Variants in ATG7 observed in about 807,000 individuals in gnomAD.
ATG7 encodes ubiquitin-like modifier-activating enzyme ATG7.
A neutral mutation model predicts 82.4 loss-of-function variants in ATG7; 70 were observed. That is an observed-to-expected ratio of 0.85 (90% CI 0.70 to 1.04). ATG7 has a LOEUF of 1.04. Among genes scored for constraint, ATG7 ranks in the 50% least tolerant of loss-of-function variants. The probability of loss-of-function intolerance (pLI) is 0.00; values close to 1 mark genes in which losing one functional copy is unlikely to be tolerated. For synonymous variants in ATG7, 287 were observed against 313.0 expected, an observed-to-expected ratio of 0.92 and a Z score of 0.88; for missense variants, 792 against 864.3, an observed-to-expected ratio of 0.92 and a Z score of 1.05.
chr3:11,357,803 A>T (rs1307852688), intron 14 of ATG7, among the ~76,000 whole-genome samples: 1 of 151,956 alleles, frequency 6.6e-6, no homozygotes, highest in Non-Finnish European at 1.5e-5. Flanking sequence ...TGAGCCAAGG[A>T]GTTCGAGAGC....
At chr3:11,424,098 G>A (rs2082164621) in intron 19 of ATG7, among the ~76,000 whole-genome samples, 1 of 151,884 alleles carries the variant, frequency 6.6e-6, no homozygotes, top group Non-Finnish European at 1.5e-5. Flanking sequence ...CCTGCCTCCC[G>A]TCGCCTGGTC....
intron 19 of ATG7, among the ~76,000 whole-genome samples, chr3:11,394,423 G>C (rs1283190483): frequency 6.6e-6 from 1 of 152,200 alleles, no homozygotes; most frequent in Non-Finnish European, 1.5e-5. Flanking sequence ...GAGATTCTGA[G>C]TTGAGCTTTG....
intron 20 of ATG7, among the ~76,000 whole-genome samples, chr3:11,473,708 C>G (rs890477720): frequency 6.6e-6 from 1 of 152,192 alleles, no homozygotes; most frequent in Non-Finnish European, 1.5e-5. Flanking sequence ...TGTTGAAATT[C>G]AGAAAACAGT....
At chr3:11,569,528 C>A in the ATG7 span, among the ~76,000 whole-genome samples, 1 of 152,222 alleles carries the variant, frequency 6.6e-6, no homozygotes, top group African/African-American at 2.4e-5. Context: ...CAGAGACATC[C>A]CCCAAGCACC....
chr3:11,423,142 A>G (rs181295759), intron 19 of ATG7, among the ~76,000 whole-genome samples: 1 of 152,308 alleles, frequency 6.6e-6, no homozygotes, highest in Admixed American at 6.5e-5. Flanking sequence ...ATTGGCCTAC[A>G]TTCAGTATTG....
chr3:11,525,756 G>A (rs1209010128), intron 20 of ATG7, among the ~76,000 whole-genome samples: 2 of 151,668 alleles, frequency 1.3e-5, no homozygotes, highest in African/African-American at 2.4e-5. Context: ...GGGTTTCACC[G>A]TGTTAGCCAG....
chr3:11,562,073 C>T (rs932672106), downstream of ATG7, among the ~76,000 whole-genome samples: 3 of 151,842 alleles, frequency 2.0e-5, no homozygotes, highest in African/African-American at 7.3e-5. Flanking sequence ...AATTTTTGTA[C>T]TTTTAGTAAA....
At chr3:11,428,375 T>G (rs1050602785) in intron 20 of ATG7, among the ~76,000 whole-genome samples, 15 of 128,504 alleles carry the variant, frequency 1.2e-4, no homozygotes, top group African/African-American at 4.4e-4. Flanking sequence ...TCAGACCCAT[T>G]GGAGGTTTGA....
chr3:11,559,114 T>C (rs1327178096), downstream of ATG7, among the ~76,000 whole-genome samples: 1 of 152,252 alleles, frequency 6.6e-6, no homozygotes. Flanking sequence ...AACTAGGGCA[T>C]GAGACCCTGG....
chr3:11,532,055 C>T (rs2092703872), intron 20 of ATG7, among the ~76,000 whole-genome samples: 1 of 152,020 alleles, frequency 6.6e-6, no homozygotes, highest in Non-Finnish European at 1.5e-5. Context: ...ATTCCTCCTC[C>T]TCCTCTTCCT....
chr3:11,393,978 G>A (rs1430050872), intron 19 of ATG7, among the ~76,000 whole-genome samples: 3 of 152,180 alleles, frequency 2.0e-5, no homozygotes, highest in African/African-American at 7.2e-5. Flanking sequence ...ACCATGCCCG[G>A]CCAGCTTTGT....
chr3:11,520,514 C>A (rs1023580457), intron 20 of ATG7, among the ~76,000 whole-genome samples: 2 of 152,150 alleles, frequency 1.3e-5, no homozygotes, highest in Non-Finnish European at 2.9e-5. Flanking sequence ...AGGCACCATA[C>A]CGGATGGGCT....
At chr3:11,366,428 T>G (rs1264359914) in intron 18 of ATG7, among the ~76,000 whole-genome samples, 2 of 152,204 alleles carry the variant, frequency 1.3e-5, no homozygotes, top group East Asian at 1.9e-4. Flanking sequence ...TGTTAATCTT[T>G]TCTACAGAGA....
At chr3:11,492,318 G>T (rs1463995326) in intron 20 of ATG7, among the ~76,000 whole-genome samples, 1 of 152,260 alleles carries the variant, frequency 6.6e-6, no homozygotes, top group South Asian at 2.1e-4. Flanking sequence ...GCCCTGCTTC[G>T]GCTCGCACAC....
At position 11,309,191 on chromosome 3, in the gene ATG7, G is replaced by A. The variant is rs577333061; in HGVS notation, c.411+130G>A. ...TGTTACTTAAATAATAGCTGTTAAC[G>A]AAACGCTCATTTGATTAGTGGCCAG... On this transcript the variant is annotated intron_variant, in intron 7 of 20. Coordinates refer to ENST00000693202, the MANE Select transcript of ATG7 (RefSeq NM_001349232.2). 5.9e-4 allele frequency: 542 copies of A among 917,926 alleles called. 1 individual carries two copies. Among genetic ancestry groups the A allele is most frequent in the Non-Finnish European group, 8.9e-4 (509 of 568,806 alleles). The allele number at this position is 917,926 out of a possible 1,614,324, so 56.9% of individuals were successfully genotyped here. A position where few individuals can be genotyped will look rare whatever the true frequency, so the allele number is the denominator to read the frequency against.
At chr3:11,482,351 C>T (rs1017550779) in intron 20 of ATG7, among the ~76,000 whole-genome samples, 2 of 152,208 alleles carry the variant, frequency 1.3e-5, no homozygotes, top group African/African-American at 4.8e-5. Flanking sequence ...CACCACCTTT[C>T]CCTTAGGTTG....
At chr3:11,511,608 C>T (rs965484824) in intron 20 of ATG7, among the ~76,000 whole-genome samples, 1 of 152,236 alleles carries the variant, frequency 6.6e-6, no homozygotes, top group African/African-American at 2.4e-5. Context: ...ACTCCTCAGC[C>T]CTTGGGCGGT....
chr3:11,345,579 C>T (rs761393009), intron 13 of ATG7, among the ~76,000 whole-genome samples: 25 of 152,090 alleles, frequency 1.6e-4, no homozygotes, highest in Non-Finnish European at 3.2e-4. Context: ...TTAAATCTTC[C>T]TTTTATCTTT....
chr3:11,285,267 C>T (rs918746104), intron 3 of ATG7, among the ~76,000 whole-genome samples: 1 of 150,258 alleles, frequency 6.7e-6, no homozygotes, highest in African/African-American at 2.5e-5. Flanking sequence ...GCAGACTCGA[C>T]CTCCTGGGTT....
Sources: allele counts gnomAD v4.1 joint callset (sites outside exome capture counted in the v4.1 genomes callset), GRCh38; gene constraint gnomAD v4.1.1; transcripts MANE v1.5; gene names NCBI Gene and HGNC (gene_info 2026-07-23, HGNC 2026-07-21).